HGSNAT: variants seen among roughly 807,000 people sequenced by gnomAD.
HGSNAT encodes the protein transmembrane protein 76.
HGSNAT carries 59 observed loss-of-function variants against 85.2 expected under a neutral mutation model. The observed-to-expected ratio is 0.69, with a 90% CI of 0.56 to 0.86. The LOEUF (loss-of-function observed/expected upper bound fraction) is 0.86, where lower values mean the gene tolerates loss of function less well. Among genes scored for constraint, HGSNAT ranks in the 40% least tolerant of loss-of-function variants. The pLI, the probability that HGSNAT is intolerant of heterozygous loss-of-function variation, is 0.00. For missense variants in HGSNAT, 756 were observed against 777.1 expected, an observed-to-expected ratio of 0.97 and a Z score of 0.32; for synonymous variants, 321 against 304.5, an observed-to-expected ratio of 1.05 and a Z score of -0.56.
In HGSNAT at chr8:43,143,188, TTAAA is replaced by T. The variant is rs763014337; in HGVS notation, c.118+2584_118+2587del. 6.6e-5 allele frequency among the ~76,000 whole-genome samples: 10 copies of T among 152,334 alleles called. No individual in the cohort carries two copies. The South Asian group carries it at 1.0e-3, about 16-fold the overall frequency. On this transcript the variant is annotated intron_variant, in intron 1 of 17. Coordinates refer to ENST00000379644, the MANE Select transcript of HGSNAT (RefSeq NM_152419.3). ...GGTGTCAGGGATTAAATAAAGGTGG[TTAAA>T]TAAATAAATGATTCAGGAATTAATA...
At chr8:43,151,086 G>A (rs4623474) in intron 2 of HGSNAT, among the ~76,000 whole-genome samples, 113,674 of 152,030 alleles carry the variant, frequency 0.75, 44,844 homozygotes, top group Non-Finnish European at 0.88. Context: ...CCAAATTTAT[G>A]TGGGTCCCCA....
chr8:43,173,519 AG>A (rs1294626416), intron 8 of HGSNAT, among the ~76,000 whole-genome samples, 193 bp from the exon 9 acceptor site: 14 of 152,170 alleles, frequency 9.2e-5, no homozygotes, highest in Non-Finnish European at 4.4e-5. Flanking sequence ...CACGTTGGCC[AG>A]GCTAGTCTCG....
rs530140296 is a variant in HGSNAT at position 43,189,971 on chromosome 8, C to T, written c.1129-1503C>T. ...GGTTCAGTCTCTTGGGGCATTATTG[C>T]GATTTTTTCAATTTCCTTGTAGCAT... On this transcript the variant is annotated intron_variant, in intron 11 of 17. Transcript: ENST00000379644. Among the ~76,000 whole-genome samples, 4 of 152,266 alleles carry T rather than the reference C, an allele frequency of 2.6e-5. No individual in the cohort carries two copies. In the South Asian group the frequency reaches 6.2e-4, roughly 24 times the overall value.
chr8:43,173,621 T>C, intron 8 of HGSNAT, 92 bp from the exon 9 acceptor site: 1 of 1,391,932 alleles, frequency 7.2e-7, no homozygotes. Context: ...TGGGTTTACT[T>C]TCTATACCAG....
At chr8:43,150,497 G>T (rs1461114995) in intron 2 of HGSNAT, among the ~76,000 whole-genome samples, 4 of 151,522 alleles carry the variant, frequency 2.6e-5, no homozygotes, top group Non-Finnish European at 5.9e-5. Context: ...ACTATACAAT[G>T]TGGAAAATAC....
At chr8:43,169,136 T>C (rs1313998561) in intron 5 of HGSNAT, 37 bp from the exon 6 acceptor site, 1 of 1,331,672 alleles carries the variant, frequency 7.5e-7, no homozygotes, top group East Asian at 2.5e-5. Context: ...ATTCTGCCAA[T>C]GAAAATAAAT....
In HGSNAT at chr8:43,193,938, A is replaced by T. The variant is rs569546656; in HGVS notation, c.1464+95A>T. Reference sequence around the variant, plus strand: ...ATTTCATTAAAATAATTGGAAGCATATTCTCTCTTGTGCTATGGGCCTAAT... The same window carrying T: ...ATTTCATTAAAATAATTGGAAGCATTTTCTCTCTTGTGCTATGGGCCTAAT... On this transcript the variant is annotated intron_variant, in intron 14 of 17. Transcript: ENST00000379644. 29 of 1,553,088 alleles carry T rather than the reference A, an allele frequency of 1.9e-5. No individual in the cohort carries two copies. The South Asian group carries it at 3.2e-4, about 17-fold the overall frequency.
In HGSNAT at chr8:43,164,995, A is replaced by G. The variant is rs1341579280; in HGVS notation, c.563+3488A>G. On this transcript the variant is annotated intron_variant, in intron 5 of 17. Coordinates refer to ENST00000379644, the MANE Select transcript of HGSNAT (RefSeq NM_152419.3). The stretch of plus-strand genomic sequence containing the variant: ...CCTCCCAGGCACAAGCAGTCCTCCC[A>G]TCTCAGCCTCCCAAGTAGCTGGGAC... Among the ~76,000 whole-genome samples the G allele has an allele frequency of 8.7e-5, 13 of 148,940 alleles. No individual in the cohort carries two copies. In the Admixed American group the frequency reaches 8.8e-4, roughly 10 times the overall value.
At chr8:43,178,379 T>C (rs973494247) in intron 10 of HGSNAT, 145 bp downstream of exon 10, 12 of 556,452 alleles carry the variant, frequency 2.2e-5, no homozygotes, top group Non-Finnish European at 3.2e-5. Context: ...GTTGTCTAAC[T>C]GTGAGCATTA....
chr8:43,188,195 G>T (rs1451138667), intron 11 of HGSNAT, among the ~76,000 whole-genome samples: 1 of 152,150 alleles, frequency 6.6e-6, no homozygotes, highest in East Asian at 1.9e-4. Context: ...GGCCTGCCTT[G>T]CTGGGTTGCG....
chr8:43,146,909 C>CTTT (rs375505816), intron 1 of HGSNAT, 39 bp from the exon 2 acceptor site: 39 of 1,035,530 alleles, frequency 3.8e-5, no homozygotes, highest in Non-Finnish European at 4.7e-5. Flanking sequence ...TTTCGGGTGC[C>CTTT]TTTTTTTTTT....
intron 1 of HGSNAT, among the ~76,000 whole-genome samples, 196 bp downstream of exon 1, chr8:43,140,810 C>T (rs988875247): frequency 1.3e-5 from 2 of 152,034 alleles, no homozygotes; most frequent in Non-Finnish European, 2.9e-5. Context: ...TGCGGCCGGG[C>T]CCCGCGGAGG....
At chr8:43,182,032 A>T in intron 10 of HGSNAT, 113 bp from the exon 11 acceptor site, 1 of 805,608 alleles carries the variant, frequency 1.2e-6, no homozygotes, top group South Asian at 1.5e-5. Context: ...CTTAAAAAAG[A>T]CTTACTTAGA....
rs1804856548 is a variant in HGSNAT at position 43,199,682 on chromosome 8, C to T, written c.*113C>T. 2.5e-6 allele frequency: 2 copies of T among 793,202 alleles called. No individual in the cohort carries two copies. Among genetic ancestry groups the T allele is most frequent in the Middle Eastern group, 3.9e-4 (1 of 2,536 alleles). The allele number at this position is 793,202 out of a possible 1,614,324, so 49.1% of individuals were successfully genotyped here. The stretch of plus-strand genomic sequence containing the variant: ...AGGAAATTGACTGGCTGCGTGTTTA[C>T]AGACTCTGGGGGAAGACACTGATGT... On this transcript the variant is annotated 3_prime_UTR_variant, in exon 18 of 18. Transcript: ENST00000379644.
At chr8:43,161,205 T>C (rs1333644128) in intron 4 of HGSNAT, among the ~76,000 whole-genome samples, 1 of 152,214 alleles carries the variant, frequency 6.6e-6, no homozygotes, top group Admixed American at 6.5e-5. Flanking sequence ...TTCTAGGATC[T>C]GGGTGATGGA....
At chr8:43,168,295 T>G (rs1324820233) in intron 5 of HGSNAT, among the ~76,000 whole-genome samples, 2 of 152,164 alleles carry the variant, frequency 1.3e-5, no homozygotes, top group Non-Finnish European at 2.9e-5. Flanking sequence ...CCAAAGTTGC[T>G]TTCAACTTTT....
chr8:43,149,132 A>C (rs1802811600), intron 2 of HGSNAT, among the ~76,000 whole-genome samples: 1 of 151,134 alleles, frequency 6.6e-6, no homozygotes, highest in African/African-American at 2.4e-5. Context: ...TAAATAAATA[A>C]ATAAATAAAT....
intron 14 of HGSNAT, chr8:43,196,302 T>C (rs1345071420): frequency 2.6e-6 from 1 of 377,906 alleles, no homozygotes; most frequent in South Asian, 2.0e-5. Flanking sequence ...CATCCTTTGA[T>C]GTTTTCAAAA....
intron 9 of HGSNAT, among the ~76,000 whole-genome samples, chr8:43,175,125 G>A (rs1803764316): frequency 6.6e-6 from 1 of 152,138 alleles, no homozygotes; most frequent in Non-Finnish European, 1.5e-5. Flanking sequence ...TTCTTTCTAA[G>A]TGTCTGTTGA....
Sources: allele counts gnomAD v4.1 joint callset (sites outside exome capture counted in the v4.1 genomes callset), GRCh38; gene constraint gnomAD v4.1.1; transcripts MANE v1.5; gene names NCBI Gene and HGNC (gene_info 2026-07-23, HGNC 2026-07-21).